SHQ1: variants seen among roughly 807,000 people sequenced by gnomAD.
SHQ1 encodes protein SHQ1 homolog.
Under a neutral mutation model 53.8 loss-of-function variants are expected in SHQ1, and 49 were observed. The observed-to-expected ratio is 0.91, with a 90% CI of 0.72 to 1.16. The LOEUF (loss-of-function observed/expected upper bound fraction) is 1.16, where lower values mean the gene tolerates loss of function less well. Ranked by LOEUF, SHQ1 falls within the 50% of genes most tolerant of loss-of-function variation. SHQ1 has a pLI of 0.00. For synonymous variants in SHQ1, 243 were observed against 251.0 expected (o/e 0.97, Z 0.30); for missense variants, 738 against 683.1 (o/e 1.08, Z -0.90).
At chr3:72,738,345 G>C in the SHQ1 span, among the ~76,000 whole-genome samples, 1 of 152,140 alleles carries the variant, frequency 6.6e-6, no homozygotes, top group African/African-American at 2.4e-5. Context: ...AGGCACCTGA[G>C]GGCTGTTATT....
chr3:72,750,568 G>C lies in SHQ1; in HGVS notation c.1450C>G (p.Pro484Ala), dbSNP rs1361970020. The change falls in exon 11 of 11, where the codon CCA becomes GCA. Residue 484 changes from proline to alanine, a missense_variant. Pro to Ala is a conservative substitution (Grantham distance 27, BLOSUM62 -1). Transcript: ENST00000325599. The part of the protein sequence containing the change: ...DSEQDELKDS[P>A]SETVSSLQGP... The stretch of plus-strand genomic sequence containing the variant: ...TGCAAAGAACTGACTGTCTCAGATG[G>C]ACTATCTTTGAGTTCATCTTGTTCT... 1 of 1,614,190 alleles carries C rather than the reference G, an allele frequency of 6.2e-7. No homozygotes were observed. Among genetic ancestry groups the C allele is most frequent in the East Asian group, 2.2e-5 (1 of 44,884 alleles).
chr3:72,817,059 T>C (rs139910518), intron 7 of SHQ1, among the ~76,000 whole-genome samples, 171 bp downstream of exon 7: 436 of 152,336 alleles, frequency 2.9e-3, no homozygotes, highest in Admixed American at 4.8e-3. Flanking sequence ...AAGTAATGTA[T>C]GATTGCATGT....
chr3:72,776,665 T>C (rs1705962871), intron 10 of SHQ1, among the ~76,000 whole-genome samples: 1 of 152,138 alleles, frequency 6.6e-6, no homozygotes, highest in Non-Finnish European at 1.5e-5. Context: ...TAAAATTTTA[T>C]TGAAAGACAT....
chr3:72,821,141 A>T (rs1168856899), intron 6 of SHQ1, among the ~76,000 whole-genome samples: 4 of 152,178 alleles, frequency 2.6e-5, no homozygotes, highest in Non-Finnish European at 5.9e-5. Flanking sequence ...CTGCATTCAA[A>T]CCTTCAGCCT....
At chr3:72,740,554 G>C in the SHQ1 span, among the ~76,000 whole-genome samples, 1 of 152,138 alleles carries the variant, frequency 6.6e-6, no homozygotes, top group Non-Finnish European at 1.5e-5. Context: ...AGTTGTGTCA[G>C]GTGTCCTGTT....
chr3:72,832,314 A>T (rs1049385396), intron 5 of SHQ1, 55 bp downstream of exon 5: 8 of 1,359,900 alleles, frequency 5.9e-6, no homozygotes, highest in African/African-American at 2.9e-5. Flanking sequence ...ACACTCAAAA[A>T]TTTTAAAATA....
chr3:72,783,363 C>CTT (rs796866861), intron 10 of SHQ1, among the ~76,000 whole-genome samples: 51 of 129,124 alleles, frequency 3.9e-4, no homozygotes, highest in Non-Finnish European at 6.5e-4. Context: ...TTTTTATACA[C>CTT]TTTTTTTTTT....
the SHQ1 span, among the ~76,000 whole-genome samples, chr3:72,743,160 T>A: frequency 2.0e-5 from 3 of 152,198 alleles, no homozygotes; most frequent in Non-Finnish European, 4.4e-5. Flanking sequence ...ATTTTAATTT[T>A]GTAGAAATCA....
intron 10 of SHQ1, among the ~76,000 whole-genome samples, chr3:72,761,722 G>A (rs1423245974): frequency 6.6e-6 from 1 of 152,134 alleles, no homozygotes; most frequent in African/African-American, 2.4e-5. Context: ...ATCCCTACTG[G>A]TAAAATAAGA....
intron 4 of SHQ1, among the ~76,000 whole-genome samples, chr3:72,835,822 T>A (rs1707976098): frequency 6.6e-6 from 1 of 152,232 alleles, no homozygotes; most frequent in Admixed American, 6.5e-5. Context: ...AGTGCAAATG[T>A]CACTTTCTCA....
downstream of SHQ1, among the ~76,000 whole-genome samples, chr3:72,747,143 T>A (rs1438541263): frequency 1.3e-5 from 2 of 152,238 alleles, no homozygotes; most frequent in Admixed American, 6.5e-5. Context: ...GATTAATAGA[T>A]GAGATTTCAT....
chr3:72,792,891 CGTAA>C (rs750601853), intron 10 of SHQ1, 21 bp downstream of exon 10: 52 of 1,548,882 alleles, frequency 3.4e-5, no homozygotes, highest in Non-Finnish European at 4.4e-5. Flanking sequence ...TCTAAAAATT[CGTAA>C]GTAACTCTAT....
intron 10 of SHQ1, among the ~76,000 whole-genome samples, chr3:72,757,029 G>A (rs574328614): frequency 5.3e-5 from 8 of 152,350 alleles, no homozygotes; most frequent in African/African-American, 1.7e-4. Context: ...TGTAGGGGCA[G>A]GGGGAACTGG....
At chr3:72,790,302 A>C (rs1433585703) in intron 10 of SHQ1, among the ~76,000 whole-genome samples, 2 of 152,260 alleles carry the variant, frequency 1.3e-5, no homozygotes, top group Non-Finnish European at 2.9e-5. Flanking sequence ...TGTAAGAATG[A>C]CTTTGCTACC....
chr3:72,831,925 A>G (rs1201854596), intron 5 of SHQ1, among the ~76,000 whole-genome samples: 1 of 152,240 alleles, frequency 6.6e-6, no homozygotes, highest in Admixed American at 6.5e-5. Flanking sequence ...CACTGATTAC[A>G]AGGGCTAGTG....
At chr3:72,771,018 T>C (rs1705837223) in intron 10 of SHQ1, among the ~76,000 whole-genome samples, 1 of 152,182 alleles carries the variant, frequency 6.6e-6, no homozygotes, top group Non-Finnish European at 1.5e-5. Flanking sequence ...GAGTGTATGA[T>C]TATACAGTTG....
chr3:72,821,219 A>G (rs1372228671), intron 6 of SHQ1, among the ~76,000 whole-genome samples: 1 of 152,196 alleles, frequency 6.6e-6, no homozygotes, highest in Admixed American at 6.5e-5. Context: ...CAAACACTGA[A>G]GGGCTCACTG....
At chr3:72,796,126 A>G (rs967391100) in intron 9 of SHQ1, among the ~76,000 whole-genome samples, 1 of 149,934 alleles carries the variant, frequency 6.7e-6, no homozygotes, top group Non-Finnish European at 1.5e-5. Flanking sequence ...AAAAAAAAAG[A>G]AAGAGAAAAA....
intron 10 of SHQ1, chr3:72,772,733 C>T (rs947114957): frequency 2.7e-6 from 2 of 740,386 alleles, no homozygotes; most frequent in Non-Finnish European, 2.5e-6. Flanking sequence ...CCTATTGATG[C>T]TACTCCCGTG....
Sources: gnomAD v4.1 joint callset for allele counts (sites outside exome capture counted in the v4.1 genomes callset) on GRCh38, gnomAD v4.1.1 for gene constraint, MANE v1.5 for transcripts, NCBI Gene and HGNC (gene_info 2026-07-23, HGNC 2026-07-21) for gene names.